Variants in BCAS3 observed in about 807,000 individuals in gnomAD.
BCAS3 encodes the protein BCAS4/BCAS3 fusion.
BCAS3 carries 53 observed loss-of-function variants against 116.1 expected under a neutral mutation model. That is an observed-to-expected ratio of 0.46 (90% confidence interval 0.37 to 0.57). The LOEUF is 0.57. BCAS3 is among the 20% of genes least tolerant of loss of function. The pLI is 0.00. For missense variants in BCAS3, 917 were observed against 1,165.4 expected, an observed-to-expected ratio of 0.79 and a Z score of 3.10; for synonymous variants, 391 against 408.2, an observed-to-expected ratio of 0.96 and a Z score of 0.51.
chr17:61,354,571 T>C lies in BCAS3; in HGVS notation c.2426-13756T>C, dbSNP rs1375287893. On this transcript the variant is annotated intron_variant, in intron 22 of 23. Transcript: ENST00000407086. This position sits in a 1 kb window ranked among gnomAD's most constrained non-coding sequence, Gnocchi z 4.5. The stretch of plus-strand genomic sequence containing the variant: ...CTGCTCTTCTCAGGCCAAGTCTTTG[T>C]TGAACAGCTTCAGTGCAAGGACCTG... The C allele has an allele frequency of 6.6e-6, 1 of 152,264 alleles. No homozygotes were observed. Among genetic ancestry groups the C allele is most frequent in the African/African-American group, 2.4e-5 (1 of 41,458 alleles). The allele number at this position is 152,264 out of a possible 1,614,324, so 9.4% of individuals were successfully genotyped here. A position where few individuals can be genotyped will look rare whatever the true frequency, so the allele number is the denominator to read the frequency against.
At chr17:60,802,977 C>T (rs2047953278) in intron 6 of BCAS3, among the ~76,000 whole-genome samples, 1 of 152,226 alleles carries the variant, frequency 6.6e-6, no homozygotes, top group East Asian at 1.9e-4. Flanking sequence ...TTTGTTGGAA[C>T]CCTCTGATGG....
Position 60,723,782 on chromosome 17 carries a change from G to A in BCAS3, c.321+14457G>A, listed in dbSNP as rs374878721. Among the ~76,000 whole-genome samples, 6 of 140,132 alleles carry A rather than the reference G, an allele frequency of 4.3e-5. No individual in the cohort carries two copies. In the South Asian group the frequency reaches 9.2e-4, roughly 21 times the overall value. 91.9% of individuals were successfully genotyped at this position (140,132 alleles called of 152,430 possible). On this transcript the variant is annotated intron_variant, in intron 5 of 23. Transcript: ENST00000407086. ...TGCCCAGGCTGGAGTGCAGTGGTGC[G>A]ATCTCGGCTCATTGCAACCTCTGCC... is the stretch of plus-strand genomic sequence containing the variant.
chr17:60,792,285 G>A (rs1413516123), intron 6 of BCAS3, among the ~76,000 whole-genome samples: 2 of 152,220 alleles, frequency 1.3e-5, no homozygotes. Flanking sequence ...TTCTGAGTTG[G>A]CAGGGCAGGA....
chr17:60,770,154 G>C (rs2144408755), intron 6 of BCAS3, among the ~76,000 whole-genome samples: 1 of 152,216 alleles, frequency 6.6e-6, no homozygotes, highest in African/African-American at 2.4e-5. Context: ...TCTCTCTGCA[G>C]CAATGCTTCT....
chr17:61,155,092 C>A (rs1488395338), intron 22 of BCAS3, among the ~76,000 whole-genome samples: 7 of 152,060 alleles, frequency 4.6e-5, no homozygotes. Context: ...TTGCCTGGGT[C>A]ACTTATGTGA....
At position 61,180,172 on chromosome 17, in the gene BCAS3, A is replaced by C. The variant is rs2079397424; in HGVS notation, c.2425+95608A>C. 6.6e-6 allele frequency among the ~76,000 whole-genome samples: 1 copy of C among 152,070 alleles called. No individual in the cohort carries two copies. Among genetic ancestry groups the C allele is most frequent in the African/African-American group, 2.4e-5 (1 of 41,412 alleles). The stretch of plus-strand genomic sequence containing the variant: ...CATCATTAAGTCATTAGTGTAAGGG[A>C]CTTGTTATGAAGGACCGATTAAAAG... On this transcript the variant is annotated intron_variant, in intron 22 of 23. Coordinates refer to ENST00000407086, the MANE Select transcript of BCAS3 (RefSeq NM_017679.5). This position sits in a 1 kb window ranked among gnomAD's most constrained non-coding sequence, Gnocchi z 6.0.
At position 61,254,503 on chromosome 17, in the gene BCAS3, G is replaced by A. The variant is rs368039895; in HGVS notation, c.2426-113824G>A. Among the ~76,000 whole-genome samples the A allele has an allele frequency of 5.9e-5, 9 of 152,018 alleles. No individual in the cohort carries two copies. The East Asian group carries it at 1.2e-3, about 20-fold the overall frequency. ...TTAAGATTAGAAAATTTATGGCGGG[G>A]CGCGGTGGCTCACGCCTGTAATCCT... is the stretch of plus-strand genomic sequence containing the variant. On this transcript the variant is annotated intron_variant, in intron 22 of 23. Transcript: ENST00000407086.
At chr17:60,683,073 C>T (rs940100570) in intron 2 of BCAS3, among the ~76,000 whole-genome samples, 2 of 151,964 alleles carry the variant, frequency 1.3e-5, no homozygotes, top group Admixed American at 1.3e-4. Context: ...TCCAGCTTTC[C>T]CTCATTTTTA....
intron 22 of BCAS3, among the ~76,000 whole-genome samples, chr17:61,179,874 CTTTT>C (rs5821309): frequency 2.4e-5 from 3 of 124,520 alleles, no homozygotes; most frequent in Non-Finnish European, 3.3e-5. Flanking sequence ...CTCTCTCTCT[CTTTT>C]TTTTTTTTTT....
intron 22 of BCAS3, among the ~76,000 whole-genome samples, chr17:61,090,465 CT>C (rs1568331461): frequency 6.6e-6 from 1 of 152,090 alleles, no homozygotes; most frequent in African/African-American, 2.4e-5. Flanking sequence ...TTAAGATTGG[CT>C]TTTATATTAG....
At chr17:60,881,975 A>T (rs138760546) in intron 9 of BCAS3, among the ~76,000 whole-genome samples, 1 of 146,692 alleles carries the variant, frequency 6.8e-6, no homozygotes, top group African/African-American at 2.7e-5. Flanking sequence ...ATGGCTGGGT[A>T]AAATGGTATT....
chr17:61,260,226 A>T lies in BCAS3; in HGVS notation c.2426-108101A>T, dbSNP rs149812856. Among the ~76,000 whole-genome samples the T allele has an allele frequency of 1.5e-3, 236 of 152,354 alleles. 1 individual carries two copies. Among genetic ancestry groups the T allele is most frequent in the Middle Eastern group, 0.014 (4 of 294 alleles). ...CACTAACTTACCAGAAATTCCCAGG[A>T]CATTAATTCAGGGATCTGAGTTTAG... On this transcript the variant is annotated intron_variant, in intron 22 of 23. Coordinates refer to ENST00000407086, the MANE Select transcript of BCAS3 (RefSeq NM_017679.5).
At position 61,008,702 on chromosome 17, in the gene BCAS3, TA is replaced by T. The variant is rs562937210; in HGVS notation, c.1487-7042del. The stretch of plus-strand genomic sequence containing the variant: ...CAAAAGTTTACCAAAAAATAAAAAA[TA>T]AAAAAATAAAAAAAAAGGCCCCGTA... On this transcript the variant is annotated intron_variant, in intron 15 of 23. Coordinates refer to ENST00000407086, the MANE Select transcript of BCAS3 (RefSeq NM_017679.5). The surrounding 1 kb of genome is among the most constrained non-coding windows in gnomAD (Gnocchi z 4.6). Among the ~76,000 whole-genome samples, 4 of 150,582 alleles carry T rather than the reference TA, an allele frequency of 2.7e-5. No individual in the cohort carries two copies. The highest frequency in any genetic ancestry group is 7.3e-5 in the African/African-American group (3 of 41,030).
At position 60,902,559 on chromosome 17, in the gene BCAS3, C is replaced by T. The variant is rs959241554; in HGVS notation, c.739-61C>T. ...GGAAAATAAGCTCTATCCTGATAGC[C>T]TGTAGAGTTAAACAGATTAATAGAA... On this transcript the variant is annotated intron_variant, in intron 10 of 23. Transcript: ENST00000407086. 8 of 1,339,216 alleles carry T rather than the reference C, an allele frequency of 6.0e-6. No individual in the cohort carries two copies. The African/African-American group carries it at 1.2e-4, about 19-fold the overall frequency. 83.0% of individuals were successfully genotyped at this position (1,339,216 alleles called of 1,614,324 possible).
rs78862231 is a variant in BCAS3 at position 61,211,185 on chromosome 17, T to A, written c.2425+126621T>A. On this transcript the variant is annotated intron_variant, in intron 22 of 23. Coordinates refer to ENST00000407086, the MANE Select transcript of BCAS3 (RefSeq NM_017679.5). The surrounding 1 kb of genome is among the most constrained non-coding windows in gnomAD (Gnocchi z 4.4). ...GACGTTAAAATTCTCCCAAAAAAGG[T>A]TGGAACCACCTCTGCTTCCCTTTCC... Among the ~76,000 whole-genome samples the A allele has an allele frequency of 3.4e-3, 515 of 152,290 alleles. 3 individuals are homozygous for A. Among genetic ancestry groups the A allele is most frequent in the African/African-American group, 0.012 (500 of 41,574 alleles).
intron 5 of BCAS3, among the ~76,000 whole-genome samples, chr17:60,717,844 G>A (rs1163564376): frequency 1.3e-5 from 2 of 152,086 alleles, no homozygotes; most frequent in African/African-American, 4.8e-5. Context: ...TATTATAATT[G>A]CATTGTAATA....
chr17:60,700,815 G>C (rs1311552621), intron 4 of BCAS3, among the ~76,000 whole-genome samples: 1 of 152,186 alleles, frequency 6.6e-6, no homozygotes, highest in Non-Finnish European at 1.5e-5. Flanking sequence ...GAACAACTTA[G>C]AGATTATTGG....
chr17:60,863,401 A>C (rs2054318127), intron 7 of BCAS3, among the ~76,000 whole-genome samples: 1 of 152,106 alleles, frequency 6.6e-6, no homozygotes, highest in African/African-American at 2.4e-5. Context: ...CAATAAGGCA[A>C]ATTCCATAAT....
At position 61,388,530 on chromosome 17, in the gene BCAS3, C is replaced by T; in HGVS notation, c.2594-3447C>T. ...TGTGCCCCTGCGCCTCCTGACACCT[C>T]TCCACCTGCTTGCAGAGATCAGTGT... is the stretch of plus-strand genomic sequence containing the variant. On this transcript the variant is annotated intron_variant, in intron 23 of 23. Transcript: ENST00000407086. The surrounding 1 kb of genome is among the most constrained non-coding windows in gnomAD (Gnocchi z 6.5). 7.5e-7 allele frequency: 1 copy of T among 1,334,008 alleles called. No homozygotes were observed. The highest frequency in any genetic ancestry group is 1.0e-6 in the Non-Finnish European group (1 of 979,222). 82.6% of individuals were successfully genotyped at this position (1,334,008 alleles called of 1,614,324 possible).
Sources: allele counts gnomAD v4.1 joint callset (sites outside exome capture counted in the v4.1 genomes callset), GRCh38; gene constraint gnomAD v4.1.1; non-coding constraint Gnocchi (gnomAD v3.1); transcripts MANE v1.5; gene names NCBI Gene and HGNC (gene_info 2026-07-23, HGNC 2026-07-21).